TTLL12: variants seen among roughly 807,000 people sequenced by gnomAD.
TTLL12 encodes tubulin tyrosine ligase like 12, also known as tubulin--tyrosine ligase-like protein 12.
Under a neutral mutation model 79.6 loss-of-function variants are expected in TTLL12, and 77 were observed. That is an observed-to-expected ratio of 0.97 (90% CI 0.81 to 1.17). The LOEUF is 1.17. TTLL12 is among the 50% of genes most tolerant of loss of function. TTLL12 has a pLI of 0.00. For missense variants in TTLL12, 969 were observed against 895.9 expected, an observed-to-expected ratio of 1.08 and a Z score of -1.04; for synonymous variants, 437 against 376.1, an observed-to-expected ratio of 1.16 and a Z score of -1.87.
intron 9 of TTLL12, 91 bp downstream of exon 9, chr22:43,173,624 A>T: frequency 7.9e-7 from 1 of 1,268,254 alleles, no homozygotes. Context: ...GGACCTGTCC[A>T]TAAGGACCAT....
intron 5 of TTLL12, 92 bp from the exon 6 acceptor site, chr22:43,176,488 G>C (rs1363381208): frequency 1.1e-5 from 11 of 1,041,234 alleles, no homozygotes; most frequent in South Asian, 5.4e-5. Flanking sequence ...CCAGCACTTT[G>C]AGAGGGTGAG....
rs1452369797 is a variant in TTLL12, at chr22:43,176,307, G to GC, written c.917+12_917+13insG. 3.8e-6 allele frequency: 6 copies of GC among 1,574,866 alleles called. No individual in the cohort carries two copies. The highest frequency in any genetic ancestry group is 4.3e-6 in the Non-Finnish European group (5 of 1,157,006). On this transcript the variant is annotated intron_variant, in intron 6 of 13. Transcript: ENST00000216129. ...ACAAGTCCCAGCCCAAGCAGTGGGG[G>GC]GGGGCTACGCACTTGAAGATGTGGC...
At chr22:43,174,780 C>T (rs1012941854) in intron 6 of TTLL12, among the ~76,000 whole-genome samples, 165 bp from the exon 7 acceptor site, 3 of 152,210 alleles carry the variant, frequency 2.0e-5, no homozygotes, top group African/African-American at 7.2e-5. Context: ...TCAGACCCCG[C>T]TCCCTCCAAT....
At chr22:43,183,194 C>T (rs1488367920) in intron 1 of TTLL12, 45 bp from the exon 2 acceptor site, 2 of 1,605,830 alleles carry the variant, frequency 1.2e-6, no homozygotes, top group Admixed American at 1.7e-5. Flanking sequence ...GCAGGAGACC[C>T]CACCCCAATG....
At chr22:43,186,807 G>C (rs986167738) in intron 1 of TTLL12, 86 bp downstream of exon 1, 5 of 1,180,722 alleles carry the variant, frequency 4.2e-6, no homozygotes, top group Non-Finnish European at 5.3e-6. Flanking sequence ...CCCGCCGCCC[G>C]GGAGCGCTCT....
At chr22:43,169,738 G>A in intron 11 of TTLL12, 170 bp from the exon 12 acceptor site, 2 of 696,382 alleles carry the variant, frequency 2.9e-6, no homozygotes, top group Non-Finnish European at 5.2e-6. Flanking sequence ...GATGGAGTCT[G>A]GGCTCCAGGT....
intron 1 of TTLL12, among the ~76,000 whole-genome samples, chr22:43,184,970 C>T (rs1932142848): frequency 6.6e-6 from 1 of 152,118 alleles, no homozygotes; most frequent in Non-Finnish European, 1.5e-5. Flanking sequence ...CGGCTCACGT[C>T]TGTAATCCCA....
intron 1 of TTLL12, among the ~76,000 whole-genome samples, chr22:43,184,587 G>C (rs894095418): frequency 6.6e-6 from 1 of 152,246 alleles, no homozygotes; most frequent in Non-Finnish European, 1.5e-5. Context: ...GGTCACATGA[G>C]AGACAAGGCA....
In TTLL12 at chr22:43,187,112, G is replaced by GCCA; in HGVS notation, c.-44_-43insTGG. ...CGACTCCAGCGCCGCCACCGCCGCC[G>GCCA]CCGCCCGCCGTCCGTCGGCCCTGCC... On this transcript the variant is annotated 5_prime_UTR_variant, in exon 1 of 14. Transcript: ENST00000216129. 1 of 1,057,900 alleles carries GCCA rather than the reference G, an allele frequency of 9.5e-7. No homozygotes were observed. Among genetic ancestry groups the GCCA allele is most frequent in the Non-Finnish European group, 1.1e-6 (1 of 882,622 alleles). 65.5% of individuals were successfully genotyped at this position (1,057,900 alleles called of 1,614,324 possible).
chr22:43,178,540 C>G (rs997675064), intron 5 of TTLL12, among the ~76,000 whole-genome samples: 3 of 152,156 alleles, frequency 2.0e-5, no homozygotes, highest in African/African-American at 7.2e-5. Context: ...CCAGGATGGT[C>G]TCGATCTCCT....
chr22:43,169,612 C>G (rs201935542), intron 11 of TTLL12, 44 bp from the exon 12 acceptor site: 2 of 1,599,748 alleles, frequency 1.3e-6, no homozygotes, highest in African/African-American at 1.3e-5. Context: ...CAGGCCTCCG[C>G]TGGGCCGGGA....
At chr22:43,168,653 A>G in intron 13 of TTLL12, 121 bp downstream of exon 13, 1 of 1,400,054 alleles carries the variant, frequency 7.1e-7, no homozygotes, top group Non-Finnish European at 9.7e-7. Context: ...CCCAACCCAG[A>G]TTCCTGGCTG....
At chr22:43,180,191 C>T (rs566544163) in intron 3 of TTLL12, among the ~76,000 whole-genome samples, 191 bp from the exon 4 acceptor site, 2 of 152,298 alleles carry the variant, frequency 1.3e-5, no homozygotes, top group African/African-American at 2.4e-5. Context: ...GACCAGGACA[C>T]AGGCCTGGGT....
chr22:43,172,656 A>T, intron 9 of TTLL12, 102 bp from the exon 10 acceptor site: 1 of 1,300,048 alleles, frequency 7.7e-7, no homozygotes. Context: ...GCTGCACTTT[A>T]CTCCTCCTTC....
chr22:43,169,568 C>A lies in TTLL12; in HGVS notation c.1576G>T (p.Val526Leu), dbSNP rs1931710670. ...NYDPDVVLKQVHCEEFIPEFE... is the reference protein window; with the variant it reads ...NYDPDVVLKQLHCEEFIPEFE... ...TCGGGGATGAACTCTTCACAGTGCA[C>A]CTGCAACAGACACAGGGCCCATCAC... The change falls in exon 12 of 14, where the codon GTG becomes TTG. Residue 526 changes from valine (V) to leucine (L), a missense_variant and splice_region_variant. Physicochemically the swap from Val to Leu is conservative, Grantham distance 32 (BLOSUM62 1). Coordinates refer to ENST00000216129, the MANE Select transcript of TTLL12 (RefSeq NM_015140.4). The A allele has an allele frequency of 3.1e-6, 5 of 1,613,368 alleles. No individual in the cohort carries two copies. The South Asian group carries it at 5.5e-5, about 18-fold the overall frequency.
In TTLL12 at chr22:43,179,633, C is replaced by G. The variant is rs771622961; in HGVS notation, c.826G>C (p.Ala276Pro). 1 of 1,582,730 alleles carries G rather than the reference C, an allele frequency of 6.3e-7. No homozygotes were observed. The highest frequency in any genetic ancestry group is 8.6e-7 in the Non-Finnish European group (1 of 1,165,596). ...GAGGGCTGCACCTGGTAGTGCTCGGCGGGCGGCTCGGGTGTGCAAGAGCTG... is the reference window on the plus strand; with the variant it reads ...GAGGGCTGCACCTGGTAGTGCTCGGGGGGCGGCTCGGGTGTGCAAGAGCTG... Reference protein sequence around the residue: ...DLSSCTPEPPAEHYQAILEEN... With the variant: ...DLSSCTPEPPPEHYQAILEEN... The change falls in exon 5 of 14, where the codon GCC (alanine) becomes CCC (proline). Residue 276 changes from alanine to proline, a missense_variant. Physicochemically the swap from Ala to Pro is conservative, Grantham distance 27. Transcript: ENST00000216129.
At chr22:43,168,632 C>T in intron 13 of TTLL12, 142 bp downstream of exon 13, 1 of 1,247,552 alleles carries the variant, frequency 8.0e-7, no homozygotes, top group Non-Finnish European at 1.1e-6. Context: ...GTGGGCCAAG[C>T]CAGGGCTTTC....
chr22:43,172,607 C>A lies in TTLL12; in HGVS notation c.1342-53G>T, dbSNP rs1236923727. On this transcript the variant is annotated intron_variant, in intron 9 of 13. Transcript: ENST00000216129. ...GTGGCCAGGACAGAGCCCCCTGGGGCTCCCGAGCACACAAAGCCACGCAGG... is the reference window on the plus strand; with the variant it reads ...GTGGCCAGGACAGAGCCCCCTGGGGATCCCGAGCACACAAAGCCACGCAGG... 5 of 1,608,422 alleles carry A rather than the reference C, an allele frequency of 3.1e-6. No homozygotes were observed. In the Admixed American group the frequency reaches 8.4e-5, roughly 27 times the overall value.
intron 6 of TTLL12, 47 bp from the exon 7 acceptor site, chr22:43,174,662 A>G (rs1194823956): frequency 1.4e-6 from 2 of 1,407,396 alleles, no homozygotes; most frequent in South Asian, 1.2e-5. Context: ...CAAGTGTCCA[A>G]GCGGGACTCC....
Sources: gnomAD v4.1 joint callset for allele counts (sites outside exome capture counted in the v4.1 genomes callset) on GRCh38, gnomAD v4.1.1 for gene constraint, MANE v1.5 for transcripts, NCBI Gene and HGNC (gene_info 2026-07-23, HGNC 2026-07-21) for gene names.